Variants in ADAP1 observed in about 807,000 individuals in gnomAD.
The protein encoded by ADAP1 is arf-GAP with dual PH domain-containing protein 1.
ADAP1 carries 31 observed loss-of-function variants against 54.9 expected under a neutral mutation model. The observed-to-expected ratio is 0.56, with a 90% confidence interval of 0.42 to 0.76. The LOEUF is 0.76. Ranked by LOEUF, ADAP1 falls within the 30% of genes least tolerant of loss-of-function variation. The pLI is 0.00. For synonymous variants in ADAP1, 313 were observed against 202.6 expected, an observed-to-expected ratio of 1.55 and a Z score of -4.63; for missense variants, 535 against 512.4, an observed-to-expected ratio of 1.04 and a Z score of -0.42.
At chr7:949,627 C>A (rs949881753) in intron 1 of ADAP1, among the ~76,000 whole-genome samples, 1 of 152,222 alleles carries the variant, frequency 6.6e-6, no homozygotes, top group South Asian at 2.1e-4. Context: ...AAAGCAGTAA[C>A]CTTGGCCCAC....
intron 1 of ADAP1, 28 bp downstream of exon 1, chr7:954,341 ACCCCGCGCCCACCCCGGACCCACCCGG>A (rs1847337063): frequency 1.9e-5 from 14 of 753,614 alleles, no homozygotes; most frequent in East Asian, 1.3e-4. Flanking sequence ...CCCGCCCGGC[ACCCCGCGCCCACCCCGGACCCACCCGG>A]CCCCGCGCCC....
Position 920,851 on chromosome 7 carries a change from A to G in ADAP1, c.306-801T>C, listed in dbSNP as rs1264340478. On this transcript the variant is annotated intron_variant, in intron 3 of 10. Transcript: ENST00000265846. The surrounding 1 kb of genome is among the most constrained non-coding windows in gnomAD (Gnocchi z 4.5). ...CAGGCCCGGCACGGCCCAGGTGCAC[A>G]GGCAGCCGCCCCAGCCTTTTCCACT... The G allele has an allele frequency of 1.9e-6, 3 of 1,550,046 alleles. No individual in the cohort carries two copies. Among genetic ancestry groups the G allele is most frequent in the African/African-American group, 1.4e-5 (1 of 73,004 alleles).
At chr7:936,375 T>G (rs1846761159) in intron 1 of ADAP1, among the ~76,000 whole-genome samples, 1 of 152,124 alleles carries the variant, frequency 6.6e-6, no homozygotes, top group Non-Finnish European at 1.5e-5. Context: ...GTATTTTTAG[T>G]GGAGATGGGG....
Position 920,818 on chromosome 7 carries a change from C to A in ADAP1, c.306-768G>T. 6.5e-7 allele frequency: 1 copy of A among 1,550,274 alleles called. No individual in the cohort carries two copies. Among genetic ancestry groups the A allele is most frequent in the East Asian group, 2.4e-5 (1 of 40,922 alleles). ...GCCAATACCATTGCAGAAACCACGACCCACACACAGGCCCGGCACGGCCCA... is the reference window on the plus strand; with the variant it reads ...GCCAATACCATTGCAGAAACCACGAACCACACACAGGCCCGGCACGGCCCA... On this transcript the variant is annotated intron_variant, in intron 3 of 10. Coordinates refer to ENST00000265846, the MANE Select transcript of ADAP1 (RefSeq NM_006869.4). The surrounding 1 kb of genome is among the most constrained non-coding windows in gnomAD (Gnocchi z 4.5).
At position 913,490 on chromosome 7, in the gene ADAP1, C is replaced by T. The variant is rs372833402; in HGVS notation, c.388+6478G>A. Among the ~76,000 whole-genome samples, 186 of 152,216 alleles carry T rather than the reference C, an allele frequency of 1.2e-3. 1 individual carries two copies. The highest frequency in any genetic ancestry group is 0.012 in the South Asian group (58 of 4,820). On this transcript the variant is annotated intron_variant, in intron 4 of 10. Coordinates refer to ENST00000265846, the MANE Select transcript of ADAP1 (RefSeq NM_006869.4). ...TGCTGGGATTACAGGCGTGAGGCAC[C>T]GCGCCCGGTCCTCCCCTTTCTCTTT... is the stretch of plus-strand genomic sequence containing the variant.
chr7:904,091 G>A, intron 6 of ADAP1, 35 bp downstream of exon 6: 1 of 1,607,392 alleles, frequency 6.2e-7, no homozygotes, highest in Admixed American at 1.7e-5. Flanking sequence ...CCACCCTCCT[G>A]TGCCACCCGG....
At chr7:899,666 C>G (rs1326262209) in intron 8 of ADAP1, among the ~76,000 whole-genome samples, 176 bp from the exon 9 acceptor site, 3 of 152,200 alleles carry the variant, frequency 2.0e-5, no homozygotes, top group Non-Finnish European at 4.4e-5. Context: ...TGTCCTCCAG[C>G]CTCCACACGG....
At chr7:901,012 AT>A in intron 6 of ADAP1, 1 of 480,874 alleles carries the variant, frequency 2.1e-6, no homozygotes. Context: ...GAAGATCCTT[AT>A]TTTGTAGCTC....
chr7:929,031 C>T (rs778605106), intron 2 of ADAP1, among the ~76,000 whole-genome samples: 23 of 152,316 alleles, frequency 1.5e-4, no homozygotes, highest in Non-Finnish European at 2.5e-4. Flanking sequence ...CGGGGGCTCA[C>T]GCCTGTCATC....
intron 1 of ADAP1, among the ~76,000 whole-genome samples, chr7:937,864 C>T (rs1187517762): frequency 6.6e-6 from 1 of 152,138 alleles, no homozygotes; most frequent in East Asian, 1.9e-4. Flanking sequence ...GCCTGTCTCC[C>T]CATTAACGTG....
rs769564217 is a variant in ADAP1 at position 920,042 on chromosome 7, C to T, written c.314G>A (p.Arg105Gln). 2.8e-5 allele frequency: 45 copies of T among 1,606,160 alleles called. No homozygotes were observed. Among genetic ancestry groups the T allele is most frequent in the Non-Finnish European group, 3.4e-5 (40 of 1,179,426 alleles). Reference sequence around the variant, plus strand: ...GTACTTGGCCCGGATCCACTGCTCTCGAAGGAGCCTGTGGGGAGAGGAGAG... The same window carrying T: ...GTACTTGGCCCGGATCCACTGCTCTTGAAGGAGCCTGTGGGGAGAGGAGAG... ...RPTPSDCQLL[R>Q]EQWIRAKYER... is the part of the protein sequence containing the mutation. Residue 105 changes from arginine (R) to glutamine (Q), a missense_variant, in exon 4 of 11, where the codon CGA (arginine) becomes CAA (glutamine). Transcript: ENST00000265846. This position sits in a 1 kb window ranked among gnomAD's most constrained non-coding sequence, Gnocchi z 4.5.
chr7:929,545 G>A (rs535307648), intron 2 of ADAP1, among the ~76,000 whole-genome samples: 5 of 150,404 alleles, frequency 3.3e-5, no homozygotes, highest in African/African-American at 9.8e-5. Flanking sequence ...ACAAGACCAC[G>A]TATTGCATGA....
At chr7:908,261 T>TCCCCAGCATCCCCTCC (rs1845563129) in intron 4 of ADAP1, among the ~76,000 whole-genome samples, 1 of 151,954 alleles carries the variant, frequency 6.6e-6, no homozygotes, top group Non-Finnish European at 1.5e-5. Flanking sequence ...AGCCCCCTGC[T>TCCCCAGCATCCCCTCC]CCCCAGCATC....
At chr7:950,485 C>CA (rs59360722) in intron 1 of ADAP1, among the ~76,000 whole-genome samples, 13,068 of 92,946 alleles carry the variant, frequency 0.14, 1,475 homozygotes, top group African/African-American at 0.35. Flanking sequence ...GACTCTGCCT[C>CA]AAAAAAAAAA....
chr7:950,903 G>A (rs1274293183), intron 1 of ADAP1, among the ~76,000 whole-genome samples: 1 of 151,392 alleles, frequency 6.6e-6, no homozygotes, highest in Non-Finnish European at 1.5e-5. Flanking sequence ...AAAGTAGAAG[G>A]GTGGGTGCCC....
At chr7:905,750 AGAAGGGAGAAGG>A (rs1845215981) in intron 4 of ADAP1, 1 of 39,164 alleles carries the variant, frequency 2.6e-5, no homozygotes, top group African/African-American at 1.3e-4. Context: ...AGGAGAAGGG[AGAAGGGAGAAGG>A]GAGAAAGGAG....
chr7:921,078 G>A (rs1431673644), intron 3 of ADAP1, among the ~76,000 whole-genome samples: 1 of 152,150 alleles, frequency 6.6e-6, no homozygotes, highest in Non-Finnish European at 1.5e-5. Context: ...TTCGGTCCCC[G>A]AAAGCAACAG....
At chr7:911,236 C>T (rs1282194110) in intron 4 of ADAP1, among the ~76,000 whole-genome samples, 5 of 152,176 alleles carry the variant, frequency 3.3e-5, no homozygotes, top group Non-Finnish European at 7.4e-5. Flanking sequence ...GGGGTCAGCT[C>T]TCACCCTGTT....
chr7:923,001 A>AG (rs1846244806), intron 3 of ADAP1: 2 of 38,138 alleles, frequency 5.2e-5, no homozygotes, highest in Non-Finnish European at 1.0e-4. Context: ...AGTTAAGATG[A>AG]GGCCACAGGA....
Sources: allele counts gnomAD v4.1 joint callset (sites outside exome capture counted in the v4.1 genomes callset), GRCh38; gene constraint gnomAD v4.1.1; non-coding constraint Gnocchi (gnomAD v3.1); transcripts MANE v1.5; gene names NCBI Gene and HGNC (gene_info 2026-07-23, HGNC 2026-07-21).